The following SHC3 variants were observed in gnomAD, a reference collection of about 807,000 sequenced individuals.
SHC3 encodes SHC-transforming protein 3.
A neutral mutation model predicts 60.4 loss-of-function variants in SHC3; 15 were observed. The observed-to-expected ratio is 0.25, with a 90% CI of 0.17 to 0.38. The LOEUF (loss-of-function observed/expected upper bound fraction) is 0.38, where lower values mean the gene tolerates loss of function less well. SHC3 is among the 10% of genes least tolerant of loss of function. The pLI is 1.00. For synonymous variants in SHC3, 294 were observed against 325.9 expected (o/e 0.90, Z 1.05); for missense variants, 677 against 786.1 (o/e 0.86, Z 1.66).
chr9:89,022,217 T>C (rs1826212822), intron 11 of SHC3, among the ~76,000 whole-genome samples: 1 of 151,100 alleles, frequency 6.6e-6, no homozygotes, highest in South Asian at 2.1e-4. Flanking sequence ...TTAAACACTT[T>C]GGCGGTCCTG....
chr9:89,174,426 A>G (rs1826913441), intron 1 of SHC3, among the ~76,000 whole-genome samples: 1 of 152,240 alleles, frequency 6.6e-6, no homozygotes, highest in Non-Finnish European at 1.5e-5. Context: ...TTTCACTGTC[A>G]GTAAATATAC....
Position 89,042,049 on chromosome 9 carries a change from G to A in SHC3, c.1337C>T (p.Pro446Leu), listed in dbSNP as rs761332011. 10 of 1,613,064 alleles carry A rather than the reference G, an allele frequency of 6.2e-6. No homozygotes were observed. The highest frequency in any genetic ancestry group is 1.1e-5 in the South Asian group (1 of 90,906). Residue 446 changes from proline (P) to leucine (L), a missense_variant, in exon 10 of 12, where the codon CCA (proline) becomes CTA (leucine). Coordinates refer to ENST00000375835, the MANE Select transcript of SHC3 (RefSeq NM_016848.6). ...ACTCATGTCAAAGAGGTCTTTCCTT[G>A]GGCTGCTCTCAGCACTGCTGACCGC... The part of the protein sequence containing the change: ...PAAVSSAESS[P>L]RKDLFDMKPF...
chr9:89,037,807 C>T (rs1400676651), intron 11 of SHC3, among the ~76,000 whole-genome samples, 186 bp downstream of exon 11: 2 of 152,230 alleles, frequency 1.3e-5, no homozygotes, highest in Non-Finnish European at 2.9e-5. Context: ...GGGCCCTGAC[C>T]ACTGGCTCCT....
At chr9:89,149,495 A>G (rs1179479479) in intron 1 of SHC3, among the ~76,000 whole-genome samples, 3 of 152,136 alleles carry the variant, frequency 2.0e-5, no homozygotes, top group African/African-American at 7.2e-5. Flanking sequence ...CCCTCTTCCT[A>G]AGACCTTTTC....
At chr9:89,060,178 G>A (rs1296536779) in intron 6 of SHC3, among the ~76,000 whole-genome samples, 2 of 149,918 alleles carry the variant, frequency 1.3e-5, no homozygotes, top group East Asian at 4.0e-4. Context: ...ATGTGGTGGA[G>A]GACATGGTGT....
intron 6 of SHC3, among the ~76,000 whole-genome samples, chr9:89,059,548 T>C (rs941510355): frequency 5.3e-5 from 7 of 131,646 alleles, no homozygotes; most frequent in Non-Finnish European, 8.1e-5. Context: ...TAGGATGTGG[T>C]GGAGGGTGGT....
intron 2 of SHC3, among the ~76,000 whole-genome samples, chr9:89,079,320 T>G (rs766154445): frequency 2.0e-5 from 3 of 152,224 alleles, no homozygotes; most frequent in Non-Finnish European, 4.4e-5. Context: ...AAACCCATTA[T>G]CTATATTTTA....
At chr9:89,061,971 G>A (rs1825097553) in intron 6 of SHC3, among the ~76,000 whole-genome samples, 1 of 152,150 alleles carries the variant, frequency 6.6e-6, no homozygotes, top group African/African-American at 2.4e-5. Context: ...CACAGATAAG[G>A]GGGAACTACT....
chr9:89,100,733 T>C (rs960546564), intron 2 of SHC3, among the ~76,000 whole-genome samples: 2 of 152,226 alleles, frequency 1.3e-5, no homozygotes, highest in Admixed American at 1.3e-4. Context: ...GGGAATCACA[T>C]AGTATGAAGC....
At chr9:89,125,918 G>A (rs756331643) in intron 1 of SHC3, among the ~76,000 whole-genome samples, 29 of 152,076 alleles carry the variant, frequency 1.9e-4, no homozygotes, top group Non-Finnish European at 3.7e-4. Context: ...GGGCTGCTCC[G>A]CCTATATAAT....
chr9:89,164,777 T>G (rs1226189188), intron 1 of SHC3, among the ~76,000 whole-genome samples: 4 of 152,098 alleles, frequency 2.6e-5, no homozygotes, highest in Admixed American at 2.6e-4. Flanking sequence ...ATAGGAAAAT[T>G]TTCTTAACTT....
At chr9:89,075,793 T>C (rs1193101959) in intron 3 of SHC3, among the ~76,000 whole-genome samples, 10 of 152,196 alleles carry the variant, frequency 6.6e-5, no homozygotes. Flanking sequence ...CCCATGGGCC[T>C]AGAGCCAGCA....
chr9:89,043,388 C>T (rs943162646), intron 9 of SHC3, among the ~76,000 whole-genome samples: 4 of 152,232 alleles, frequency 2.6e-5, no homozygotes, highest in African/African-American at 9.6e-5. Context: ...CAGCTATTTG[C>T]AGTTTACACC....
intron 2 of SHC3, among the ~76,000 whole-genome samples, chr9:89,110,964 C>T (rs1825938431): frequency 6.6e-6 from 1 of 152,148 alleles, no homozygotes; most frequent in South Asian, 2.1e-4. Flanking sequence ...CATCAAAGAG[C>T]AAACTGTAAT....
intron 6 of SHC3, among the ~76,000 whole-genome samples, chr9:89,064,041 C>T (rs1825134862): frequency 6.6e-6 from 1 of 152,204 alleles, no homozygotes; most frequent in African/African-American, 2.4e-5. Flanking sequence ...CGCTTTCTTG[C>T]TGTGTCCTCA....
chr9:89,165,546 G>A (rs2118253964), intron 1 of SHC3, among the ~76,000 whole-genome samples: 1 of 132,928 alleles, frequency 7.5e-6, no homozygotes, highest in African/African-American at 2.7e-5. Flanking sequence ...AAAAAAAATG[G>A]TGAGGGCATG....
chr9:89,077,966 G>A lies in SHC3; in HGVS notation c.546-63C>T. 4 of 1,565,428 alleles carry A rather than the reference G, an allele frequency of 2.6e-6. No homozygotes were observed. In the South Asian group the frequency reaches 3.3e-5, roughly 13 times the overall value. The stretch of plus-strand genomic sequence containing the variant: ...AGTCGGGATTATGGAACCCAGAGAT[G>A]CTACACTTGCACATCCAAAGAAAAT... On this transcript the variant is annotated intron_variant, in intron 2 of 11. Coordinates refer to ENST00000375835, the MANE Select transcript of SHC3 (RefSeq NM_016848.6).
intron 1 of SHC3, among the ~76,000 whole-genome samples, chr9:89,126,997 C>G (rs1382823928): frequency 1.3e-5 from 2 of 152,164 alleles, no homozygotes; most frequent in Non-Finnish European, 2.9e-5. Context: ...ATTCACATCA[C>G]AGTTAGCCCT....
chr9:89,095,921 C>T (rs1482068316), intron 2 of SHC3, among the ~76,000 whole-genome samples: 2 of 152,146 alleles, frequency 1.3e-5, no homozygotes, highest in African/African-American at 4.8e-5. Flanking sequence ...CACTTCCAAA[C>T]CTGGATGATA....
Sources: gnomAD v4.1 joint callset for allele counts (sites outside exome capture counted in the v4.1 genomes callset) on GRCh38, gnomAD v4.1.1 for gene constraint, MANE v1.5 for transcripts, NCBI Gene and HGNC (gene_info 2026-07-23, HGNC 2026-07-21) for gene names.